COPB1: variants seen among roughly 807,000 people sequenced by gnomAD.
COPB1 encodes the protein coat protein complex I subunit beta 1, also known as coatomer subunit beta.
COPB1 carries 21 observed loss-of-function variants against 108.7 expected under a neutral mutation model. The ratio of observed to expected loss-of-function variants is 0.19; its 90% CI spans 0.14 to 0.28. The LOEUF is 0.28. Ranked by LOEUF, COPB1 falls within the 10% of genes least tolerant of loss-of-function variation. The pLI is 1.00. For missense variants in COPB1, 919 were observed against 1,141.3 expected, an observed-to-expected ratio of 0.81 and a Z score of 2.81; for synonymous variants, 378 against 386.8, an observed-to-expected ratio of 0.98 and a Z score of 0.27.
At chr11:14,458,762 A>AT in intron 20 of COPB1, 75 bp from the exon 21 acceptor site, 1 of 1,206,176 alleles carries the variant, frequency 8.3e-7, no homozygotes, top group Non-Finnish European at 1.1e-6. Flanking sequence ...AGCATAGGTG[A>AT]CTTTTTTTTT....
chr11:14,477,297 T>C (rs753346046), intron 11 of COPB1, among the ~76,000 whole-genome samples: 32 of 144,246 alleles, frequency 2.2e-4, no homozygotes, highest in Non-Finnish European at 4.3e-4. Flanking sequence ...GGCAGGAGAA[T>C]GGCGGGAACC....
At chr11:14,494,173 C>G in intron 3 of COPB1, 37 bp downstream of exon 3, 1 of 1,406,216 alleles carries the variant, frequency 7.1e-7, no homozygotes, top group East Asian at 2.3e-5. Context: ...CATTTAAATT[C>G]AAAGCAATAT....
chr11:14,459,463 TTC>T (rs1256682606), intron 20 of COPB1, among the ~76,000 whole-genome samples: 7 of 152,090 alleles, frequency 4.6e-5, no homozygotes, highest in Non-Finnish European at 8.8e-5. Context: ...AGCTTCATTT[TTC>T]TTTCTCTCTC....
chr11:14,466,873 T>C (rs1399735462), intron 16 of COPB1, among the ~76,000 whole-genome samples: 1 of 152,152 alleles, frequency 6.6e-6, no homozygotes, highest in East Asian at 1.9e-4. Flanking sequence ...GTGGTAGCCC[T>C]TGCTCCACAA....
chr11:14,463,066 C>T (rs1382168563), intron 18 of COPB1, among the ~76,000 whole-genome samples: 7 of 152,186 alleles, frequency 4.6e-5, no homozygotes, highest in Non-Finnish European at 1.0e-4. Context: ...AAAGACCTCT[C>T]TTTCAGACTT....
chr11:14,458,960 G>A (rs773738894), intron 20 of COPB1, among the ~76,000 whole-genome samples: 1 of 152,058 alleles, frequency 6.6e-6, no homozygotes, highest in African/African-American at 2.4e-5. Context: ...TAGAGACAGG[G>A]TTTCACCATG....
At chr11:14,495,427 C>A (rs1363921570) in intron 2 of COPB1, among the ~76,000 whole-genome samples, 1 of 152,214 alleles carries the variant, frequency 6.6e-6, no homozygotes, top group Non-Finnish European at 1.5e-5. Context: ...ATGAGAAATA[C>A]ATTTCTAATG....
intron 3 of COPB1, 32 bp downstream of exon 3, chr11:14,494,178 C>A: frequency 7.0e-7 from 1 of 1,430,316 alleles, no homozygotes; most frequent in Non-Finnish European, 9.7e-7. Context: ...AAATTCAAAG[C>A]AATATTCAGA....
rs536887934 is a variant in COPB1, at chr11:14,464,947, C to T, written c.2374G>A (p.Ala792Thr). ...FANIKANVKVASTENGIIFGN... is the reference protein window; with the variant it reads ...FANIKANVKVTSTENGIIFGN... ...AAAATTATTCCATTTTCTGTTGATGCTACTTTGACGTTAGCTTTAATATTT... is the reference window on the plus strand; with the variant it reads ...AAAATTATTCCATTTTCTGTTGATGTTACTTTGACGTTAGCTTTAATATTT... Residue 792 changes from alanine (A) to threonine (T), a missense_variant, in exon 18 of 22, where the codon GCA becomes ACA. Physicochemically the swap from Ala to Thr is moderately conservative, Grantham distance 58. Around this residue, in one of 5 missense-constraint regions of COPB1, gnomAD observed 705 missense variants for 817.8 expected, o/e 0.86. Transcript: ENST00000439561. 1.2e-6 allele frequency: 2 copies of T among 1,613,494 alleles called. No individual in the cohort carries two copies. Among genetic ancestry groups the T allele is most frequent in the East Asian group, 2.2e-5 (1 of 44,844 alleles).
Position 14,490,695 on chromosome 11 carries a change from G to A in COPB1, c.492-16C>T, listed in dbSNP as rs371356871. On this transcript the variant is annotated splice_polypyrimidine_tract_variant and intron_variant, in intron 4 of 21. Coordinates refer to ENST00000439561, the MANE Select transcript of COPB1 (RefSeq NM_001144061.2). ...TTCAAAATTTCTTTAAATAAAACAG[G>A]TAACATCCATATTTAATAAAAGCCT... 1.0e-3 allele frequency: 1,410 copies of A among 1,366,656 alleles called. 1 individual carries two copies. Among genetic ancestry groups the A allele is most frequent in the Non-Finnish European group, 1.3e-3 (1,228 of 967,896 alleles). 84.7% of individuals were successfully genotyped at this position (1,366,656 alleles called of 1,614,324 possible).
chr11:14,460,372 A>G (rs771192103), intron 19 of COPB1, 75 bp from the exon 20 acceptor site: 18 of 908,756 alleles, frequency 2.0e-5, no homozygotes, highest in Non-Finnish European at 2.9e-5. Context: ...AGTATGTCAT[A>G]TTAAAAACTT....
chr11:14,478,201 C>T (rs914925067), intron 11 of COPB1, among the ~76,000 whole-genome samples: 2 of 151,854 alleles, frequency 1.3e-5, no homozygotes, highest in Non-Finnish European at 2.9e-5. Context: ...AAATAAAATA[C>T]CAAAATGTTT....
chr11:14,482,646 T>C (rs1056235792), intron 8 of COPB1, among the ~76,000 whole-genome samples: 3 of 152,160 alleles, frequency 2.0e-5, no homozygotes, highest in African/African-American at 7.2e-5. Flanking sequence ...GTGATTCTCC[T>C]GCCTCAGCCT....
chr11:14,474,967 A>G (rs1393713848), intron 13 of COPB1, among the ~76,000 whole-genome samples: 2 of 151,798 alleles, frequency 1.3e-5, no homozygotes, highest in Non-Finnish European at 2.9e-5. Context: ...ATGGTGGCAC[A>G]AACCTGTAAT....
intron 1 of COPB1, among the ~76,000 whole-genome samples, chr11:14,499,194 G>C (rs1019703382): frequency 1.3e-5 from 2 of 152,216 alleles, no homozygotes; most frequent in African/African-American, 4.8e-5. Context: ...TCCAGTGTTT[G>C]AGAATGCTGT....
In COPB1 at chr11:14,477,389, C is replaced by CAAAAAAAAAAAAAAAAAAAAA. The variant is rs61014253; in HGVS notation, c.1359-375_1359-374insTTTTTTTTTTTTTTTTTTTTT. Among the ~76,000 whole-genome samples the CAAAAAAAAAAAAAAAAAAAAA allele has an allele frequency of 1.8e-3, 129 of 73,264 alleles. 13 individuals carry two copies. Among genetic ancestry groups the CAAAAAAAAAAAAAAAAAAAAA allele is most frequent in the South Asian group, 2.4e-3 (4 of 1,634 alleles). The allele number at this position is 73,264 out of a possible 152,430, so 48.1% of individuals were successfully genotyped here. On this transcript the variant is annotated intron_variant, in intron 11 of 21. Coordinates refer to ENST00000439561, the MANE Select transcript of COPB1 (RefSeq NM_001144061.2). ...TGGGTGACAGAGCGAGACTCCGTCT[C>CAAAAAAAAAAAAAAAAAAAAA]AAAAAAAAAAAAAAAACAAGGGCCA...
chr11:14,497,404 A>G (rs571909181), intron 2 of COPB1, among the ~76,000 whole-genome samples: 1 of 152,306 alleles, frequency 6.6e-6, no homozygotes, highest in South Asian at 2.1e-4. Flanking sequence ...GACATTTCAC[A>G]AAGACATACA....
chr11:14,498,373 A>C (rs1410863997), intron 2 of COPB1, among the ~76,000 whole-genome samples: 1 of 152,264 alleles, frequency 6.6e-6, no homozygotes, highest in Non-Finnish European at 1.5e-5. Context: ...TGCATAAAAA[A>C]TGAAAAGGTA....
intron 18 of COPB1, among the ~76,000 whole-genome samples, chr11:14,461,535 C>T (rs1850151118): frequency 6.6e-6 from 1 of 152,112 alleles, no homozygotes; most frequent in South Asian, 2.1e-4. Context: ...TTATTATTTT[C>T]CATCTTACAT....
Sources: gnomAD v4.1 joint callset for allele counts (sites outside exome capture counted in the v4.1 genomes callset) on GRCh38, gnomAD v4.1.1 for gene constraint, gnomAD v4.1.1 regional missense constraint, MANE v1.5 for transcripts, NCBI Gene and HGNC (gene_info 2026-07-23, HGNC 2026-07-21) for gene names.